The following BAZ1A variants were observed in gnomAD, a reference collection of about 807,000 sequenced individuals.
The protein encoded by BAZ1A is bromodomain adjacent to zinc finger domain 1A.
Under a neutral mutation model 185.2 loss-of-function variants are expected in BAZ1A, and 50 were observed. The ratio of observed to expected loss-of-function variants is 0.27; its 90% CI spans 0.22 to 0.34. The LOEUF is 0.34. Among genes scored for constraint, BAZ1A ranks in the 10% least tolerant of loss-of-function variants. The pLI is 1.00. For missense variants in BAZ1A, 1,356 were observed against 1,839.9 expected (o/e 0.74, Z 4.81); for synonymous variants, 571 against 615.6 (o/e 0.93, Z 1.07).
Position 34,872,883 on chromosome 14 carries a change from T to C in BAZ1A, c.113+1609A>G, listed in dbSNP as rs150731974. 5.4e-3 allele frequency among the ~76,000 whole-genome samples: 757 copies of C among 139,338 alleles called. 14 individuals are homozygous for C. The highest frequency in any genetic ancestry group is 0.02 in the African/African-American group (733 of 36,422). The allele number at this position is 139,338 out of a possible 152,430, so 91.4% of individuals were successfully genotyped here. On this transcript the variant is annotated intron_variant, in intron 2 of 26. Coordinates refer to ENST00000360310, the MANE Select transcript of BAZ1A (RefSeq NM_013448.3). ...ACTCTTAGTTTTTTTTTTATCGTAA[T>C]TGTTAGCAAGGCCTGTAGCTTTAAA...
At chr14:34,850,891 G>A (rs1466622849) in intron 3 of BAZ1A, among the ~76,000 whole-genome samples, 57 of 152,150 alleles carry the variant, frequency 3.7e-4, no homozygotes, top group Admixed American at 6.5e-5. Context: ...CCCAAAGAAC[G>A]ATAGGTAGAA....
At chr14:34,873,928 T>C (rs1594925937) in intron 2 of BAZ1A, among the ~76,000 whole-genome samples, 1 of 152,178 alleles carries the variant, frequency 6.6e-6, no homozygotes, top group South Asian at 2.1e-4. Context: ...CCTTCCCTTC[T>C]AGAGCGAGTC....
At position 34,844,776 on chromosome 14, in the gene BAZ1A, C is replaced by T. The variant is rs904109362; in HGVS notation, c.392+17268G>A. Among the ~76,000 whole-genome samples the T allele has an allele frequency of 8.4e-4, 13 of 15,428 alleles. No individual in the cohort carries two copies. The South Asian group carries it at 0.015, about 17-fold the overall frequency. The allele number at this position is 15,428 out of a possible 152,430, so 10.1% of individuals were successfully genotyped here. On this transcript the variant is annotated intron_variant, in intron 3 of 26. Coordinates refer to ENST00000360310, the MANE Select transcript of BAZ1A (RefSeq NM_013448.3). ...CTGTCTAAACACACACACACACACG[C>T]GCACACACACACACACACACACACA...
intron 21 of BAZ1A, among the ~76,000 whole-genome samples, chr14:34,765,872 T>A (rs1878806303): frequency 6.6e-6 from 1 of 152,240 alleles, no homozygotes; most frequent in South Asian, 2.1e-4. Context: ...ATAGTCATTT[T>A]ATACTGGTGT....
In BAZ1A at chr14:34,811,164, G is replaced by C. The variant is rs552991177; in HGVS notation, c.537-128C>G. Reference sequence around the variant, plus strand: ...TTTCAAAATTTTTTTTTGTTTTTGAGATGGAGTCTCACTCTTGTTGCCCAG... The same window carrying C: ...TTTCAAAATTTTTTTTTGTTTTTGACATGGAGTCTCACTCTTGTTGCCCAG... On this transcript the variant is annotated intron_variant, in intron 4 of 26. Coordinates refer to ENST00000360310, the MANE Select transcript of BAZ1A (RefSeq NM_013448.3). The C allele has an allele frequency of 1.6e-5, 10 of 619,828 alleles. No homozygotes were observed. In the Admixed American group the frequency reaches 3.1e-4, roughly 19 times the overall value. The allele number at this position is 619,828 out of a possible 1,614,324, so 38.4% of individuals were successfully genotyped here.
intron 18 of BAZ1A, 113 bp from the exon 19 acceptor site, chr14:34,774,603 C>T (rs1468239460): frequency 1.2e-6 from 1 of 837,330 alleles, no homozygotes; most frequent in African/African-American, 1.8e-5. Context: ...TGTAAATCCT[C>T]AAGTGCCACA....
chr14:34,820,122 G>GTTTTTT lies in BAZ1A; in HGVS notation c.536+5885_536+5890dup, dbSNP rs59706713. Reference sequence around the variant, plus strand: ...TTGCCATTTTTTAATTGGGTTCCTCGTTTTTTTTTTTTTTTTTTTTTTTGA... The same window carrying GTTTTTT: ...TTGCCATTTTTTAATTGGGTTCCTCGTTTTTTTTTTTTTTTTTTTTTTTTTTTTTGA... On this transcript the variant is annotated intron_variant, in intron 4 of 26. Transcript: ENST00000360310. 1.6e-3 allele frequency among the ~76,000 whole-genome samples: 130 copies of GTTTTTT among 80,642 alleles called. 6 individuals are homozygous for GTTTTTT. The highest frequency in any genetic ancestry group is 1.9e-3 in the Non-Finnish European group (86 of 44,498). The allele number at this position is 80,642 out of a possible 152,430, so 52.9% of individuals were successfully genotyped here. A position where few individuals can be genotyped will look rare whatever the true frequency, so the allele number is the denominator to read the frequency against.
Position 34,874,707 on chromosome 14 carries a change from C to A in BAZ1A, c.-58-45G>T. On this transcript the variant is annotated intron_variant, in intron 1 of 26. Transcript: ENST00000360310. The surrounding 1 kb of genome is among the most constrained non-coding windows in gnomAD (Gnocchi z 4.7). ...AGGAAAGCCGGTAAGGTGGGGAGCC[C>A]TCGGCGGCAGCGTGGGCCGGTCCGC... 1 of 986,552 alleles carries A rather than the reference C, an allele frequency of 1.0e-6. No homozygotes were observed. Among genetic ancestry groups the A allele is most frequent in the Non-Finnish European group, 1.5e-6 (1 of 687,012 alleles). The allele number at this position is 986,552 out of a possible 1,614,324, so 61.1% of individuals were successfully genotyped here. A position where few individuals can be genotyped will look rare whatever the true frequency, so the allele number is the denominator to read the frequency against.
At chr14:34,774,151 T>C (rs577958957) in intron 19 of BAZ1A, among the ~76,000 whole-genome samples, 176 bp downstream of exon 19, 2 of 152,266 alleles carry the variant, frequency 1.3e-5, no homozygotes, top group East Asian at 3.9e-4. Context: ...CTGATGAAAA[T>C]ATCGGAAAAA....
At chr14:34,848,435 G>C (rs11847482) in intron 3 of BAZ1A, among the ~76,000 whole-genome samples, 3,206 of 152,006 alleles carry the variant, frequency 0.021, 125 homozygotes, top group African/African-American at 0.074. Context: ...GTGAAACCTC[G>C]TCTCTACTAA....
At chr14:34,801,616 A>T (rs1411550400) in intron 7 of BAZ1A, among the ~76,000 whole-genome samples, 1 of 152,126 alleles carries the variant, frequency 6.6e-6, no homozygotes, top group East Asian at 1.9e-4. Flanking sequence ...TTTTATTCTA[A>T]AGTATAATTG....
At chr14:34,841,362 T>C (rs2042411732) in intron 3 of BAZ1A, among the ~76,000 whole-genome samples, 1 of 152,160 alleles carries the variant, frequency 6.6e-6, no homozygotes, top group Non-Finnish European at 1.5e-5. Flanking sequence ...TGAATATTAG[T>C]AACATAATCA....
chr14:34,756,500 G>C (rs769663900), intron 25 of BAZ1A, among the ~76,000 whole-genome samples: 11 of 116,110 alleles, frequency 9.5e-5, no homozygotes, highest in Non-Finnish European at 1.7e-4. Context: ...TTGAGACAGA[G>C]TCTTGCCTAG....
chr14:34,858,257 T>TA (rs199690452), intron 3 of BAZ1A, among the ~76,000 whole-genome samples: 1 of 151,942 alleles, frequency 6.6e-6, no homozygotes, highest in Non-Finnish European at 1.5e-5. Context: ...TTTCCACAAT[T>TA]AAAAAAAAAT....
intron 11 of BAZ1A, among the ~76,000 whole-genome samples, chr14:34,793,350 C>CT (rs1326322170): frequency 7.2e-5 from 11 of 152,156 alleles, no homozygotes; most frequent in African/African-American, 2.7e-4. Context: ...AATATTATGT[C>CT]TAAGTCATAA....
chr14:34,819,493 A>G (rs1257937239), intron 4 of BAZ1A, among the ~76,000 whole-genome samples: 1 of 152,226 alleles, frequency 6.6e-6, no homozygotes, highest in Admixed American at 6.5e-5. Flanking sequence ...ATAGGCATAT[A>G]CCCATGTGAG....
rs1218913421 is a variant in BAZ1A at position 34,836,398 on chromosome 14, A to C, written c.393-10242T>G. ...CGTCTCAAAAAAAAAAAAAAAAAAA[A>C]AAAAAAAAAAAAAAAAAAAAACTTT... On this transcript the variant is annotated intron_variant, in intron 3 of 26. Coordinates refer to ENST00000360310, the MANE Select transcript of BAZ1A (RefSeq NM_013448.3). 2.0e-4 allele frequency among the ~76,000 whole-genome samples: 5 copies of C among 24,912 alleles called. 2 individuals carry two copies. The highest frequency in any genetic ancestry group is 4.1e-3 in the South Asian group (2 of 482). 16.3% of individuals were successfully genotyped at this position (24,912 alleles called of 152,430 possible).
rs563883418 is a variant in BAZ1A, at chr14:34,827,463, C to T, written c.393-1307G>A. 9.9e-5 allele frequency among the ~76,000 whole-genome samples: 15 copies of T among 152,206 alleles called. No individual in the cohort carries two copies. In the South Asian group the frequency reaches 2.3e-3, roughly 23 times the overall value. On this transcript the variant is annotated intron_variant, in intron 3 of 26. Coordinates refer to ENST00000360310, the MANE Select transcript of BAZ1A (RefSeq NM_013448.3). ...CTGTCTAGAAAGTCATTGCCGGGCGCGGTGGCTCACGCCTGTAATCCCAGC... is the reference window on the plus strand; with the variant it reads ...CTGTCTAGAAAGTCATTGCCGGGCGTGGTGGCTCACGCCTGTAATCCCAGC...
chr14:34,825,887 G>C lies in BAZ1A; in HGVS notation c.536+126C>G, dbSNP rs1435352826. On this transcript the variant is annotated intron_variant, in intron 4 of 26. Transcript: ENST00000360310. The stretch of plus-strand genomic sequence containing the variant: ...TGGGAGGTGGAAGTTGCAGTGAGCT[G>C]AGATCGAGCCACTGTACTCCAGCCT... 11 of 913,982 alleles carry C rather than the reference G, an allele frequency of 1.2e-5. 1 individual carries two copies. The East Asian group carries it at 3.5e-4, about 29-fold the overall frequency. The allele number at this position is 913,982 out of a possible 1,614,324, so 56.6% of individuals were successfully genotyped here.
Sources: allele counts gnomAD v4.1 joint callset (sites outside exome capture counted in the v4.1 genomes callset), GRCh38; gene constraint gnomAD v4.1.1; non-coding constraint Gnocchi (gnomAD v3.1); transcripts MANE v1.5; gene names NCBI Gene and HGNC (gene_info 2026-07-23, HGNC 2026-07-21).